Variants in GSE1 observed in about 807,000 individuals in gnomAD.
GSE1 encodes Gse1 coiled-coil protein, also known as genetic suppressor element 1.
In GSE1, 32 loss-of-function variants were observed where a neutral mutation model predicts 112.6. The observed-to-expected ratio is 0.28, with a 90% CI of 0.21 to 0.38. GSE1 has a LOEUF of 0.38. GSE1 is among the 10% of genes least tolerant of loss of function. GSE1 has a pLI of 1.00. For missense variants in GSE1, 2,348 were observed against 1,699.2 expected, an observed-to-expected ratio of 1.38 and a Z score of -6.71; for synonymous variants, 1,115 against 735.6, an observed-to-expected ratio of 1.52 and a Z score of -8.35.
chr16:85,177,339 C>T (rs950916761), intron 1 of GSE1, among the ~76,000 whole-genome samples: 4 of 152,222 alleles, frequency 2.6e-5, no homozygotes, highest in South Asian at 2.1e-4. Context: ...GGGAAGACCC[C>T]GCATACAGAA....
chr16:85,194,564 G>T (rs2074891279), intron 1 of GSE1, among the ~76,000 whole-genome samples: 1 of 152,168 alleles, frequency 6.6e-6, no homozygotes, highest in Non-Finnish European at 1.5e-5. Context: ...TGGACCCTTA[G>T]CAGGGCCCCA....
intron 1 of GSE1, among the ~76,000 whole-genome samples, chr16:85,253,326 G>A (rs1391145553): frequency 6.6e-6 from 1 of 152,122 alleles, no homozygotes; most frequent in East Asian, 1.9e-4. Flanking sequence ...TGGGCCTCCT[G>A]GGTGGTGGGG....
intron 1 of GSE1, among the ~76,000 whole-genome samples, chr16:85,273,055 C>T (rs1450499703): frequency 6.6e-6 from 1 of 152,178 alleles, no homozygotes; most frequent in African/African-American, 2.4e-5. Flanking sequence ...GGATTACAGG[C>T]GTGAGCCACT....
intron 1 of GSE1, among the ~76,000 whole-genome samples, chr16:85,275,738 C>A (rs1909295809): frequency 6.6e-6 from 1 of 152,286 alleles, no homozygotes; most frequent in South Asian, 2.1e-4. Flanking sequence ...GGCCCTGGAC[C>A]CAGGTGGAAA....
chr16:85,628,200 G>A (rs936931525), intron 1 of GSE1, among the ~76,000 whole-genome samples: 2 of 152,268 alleles, frequency 1.3e-5, no homozygotes, highest in African/African-American at 4.8e-5. Context: ...CACACATACT[G>A]AGGAGCAGCG....
At chr16:85,446,320 G>A (rs191167737) in intron 2 of GSE1, among the ~76,000 whole-genome samples, 93 of 152,310 alleles carry the variant, frequency 6.1e-4, no homozygotes, top group African/African-American at 2.2e-3. Context: ...TGAGACCTTG[G>A]GCGGTAGCTG....
At chr16:85,663,123 T>TCTGGG in intron 10 of GSE1, 30 bp downstream of exon 10, 1 of 1,464,158 alleles carries the variant, frequency 6.8e-7, no homozygotes, top group Non-Finnish European at 9.5e-7. Context: ...ACGGACATGC[T>TCTGGG]CTGGGCTGGG....
In GSE1 at chr16:85,514,365, CCA is replaced by C. The variant is rs201757558; in HGVS notation, c.2465-119547_2465-119546del. 4.9e-3 allele frequency among the ~76,000 whole-genome samples: 677 copies of C among 138,920 alleles called. 12 individuals carry two copies. The highest frequency in any genetic ancestry group is 4.4e-3 in the Non-Finnish European group (278 of 63,656). The allele number at this position is 138,920 out of a possible 152,430, so 91.1% of individuals were successfully genotyped here. A position where few individuals can be genotyped will look rare whatever the true frequency, so the allele number is the denominator to read the frequency against. On this transcript the variant is annotated intron_variant, in intron 2 of 2. Coordinates refer to the GSE1 transcript ENST00000637419. ...CCTGCATTTCCTCCTTCGTGGGACA[CCA>C]CCCCCCCATCCTTTGCACCCTCTGA...
intron 1 of GSE1, among the ~76,000 whole-genome samples, chr16:85,602,505 CT>C (rs1236290440): frequency 3.9e-5 from 6 of 152,118 alleles, no homozygotes; most frequent in African/African-American, 1.4e-4. Context: ...GCGAGCTCCC[CT>C]GACCTTGCCG....
chr16:85,666,440 G>C, intron 13 of GSE1, 93 bp downstream of exon 13: 1 of 1,245,024 alleles, frequency 8.0e-7, no homozygotes, highest in East Asian at 2.3e-5. Flanking sequence ...GTTCAGCCGT[G>C]GGCACAAGTT....
chr16:85,604,298 T>G lies in GSE1; in HGVS notation c.38-44254T>G, dbSNP rs145064600. Among the ~76,000 whole-genome samples, 1,092 of 152,336 alleles carry G rather than the reference T, an allele frequency of 7.2e-3. 11 individuals carry two copies. The highest frequency in any genetic ancestry group is 0.025 in the African/African-American group (1,057 of 41,572). On this transcript the variant is annotated intron_variant, in intron 1 of 2. Coordinates refer to the GSE1 transcript ENST00000635906. ...CTGGCTTCTTCCATCCAGCATCGTG[T>G]CTTCAAGGTTCATCTGTGTTGTAGC...
chr16:85,429,751 A>G (rs1278740245), intron 2 of GSE1, among the ~76,000 whole-genome samples: 1 of 152,188 alleles, frequency 6.6e-6, no homozygotes, highest in Non-Finnish European at 1.5e-5. Context: ...CCACCTGCAC[A>G]GCCCTGCATG....
intron 2 of GSE1, among the ~76,000 whole-genome samples, chr16:85,383,388 A>T (rs1401892279): frequency 6.7e-6 from 1 of 150,184 alleles, no homozygotes; most frequent in East Asian, 2.0e-4. Context: ...GCACACATAC[A>T]CTCACACACA....
intron 2 of GSE1, among the ~76,000 whole-genome samples, chr16:85,506,385 G>C (rs2051535620): frequency 6.6e-6 from 1 of 152,166 alleles, no homozygotes; most frequent in African/African-American, 2.4e-5. Context: ...CAGGCACGTG[G>C]GGAAGGCTCA....
intron 1 of GSE1, among the ~76,000 whole-genome samples, chr16:85,212,670 C>A (rs947800674): frequency 6.6e-6 from 1 of 152,206 alleles, no homozygotes; most frequent in Non-Finnish European, 1.5e-5. Flanking sequence ...AGCCACCCAG[C>A]CTGTGGCACT....
At chr16:85,197,092 A>G (rs1377414204) in intron 1 of GSE1, among the ~76,000 whole-genome samples, 2 of 152,178 alleles carry the variant, frequency 1.3e-5, no homozygotes, top group African/African-American at 2.4e-5. Context: ...TCGATCAGCC[A>G]TTTATTGAGC....
At position 85,656,483 on chromosome 16, in the gene GSE1, G is replaced by GTGAGCC; in HGVS notation, c.1134_1135insCCTGAG (p.Glu378_Lys379insProGlu). 3 of 1,542,040 alleles carry GTGAGCC rather than the reference G, an allele frequency of 1.9e-6. No individual in the cohort carries two copies. The highest frequency in any genetic ancestry group is 2.6e-6 in the Non-Finnish European group (3 of 1,140,042). On this transcript the variant is annotated inframe_insertion, in exon 7 of 16. Coordinates refer to ENST00000253458, the MANE Select transcript of GSE1 (RefSeq NM_014615.5). Reference sequence around the variant, plus strand: ...CGCGAGCAAGAGAAGGAGCGTGAGCGTGAGAAGGAGCGCGAGCGCGAGCTG... The same window carrying GTGAGCC: ...CGCGAGCAAGAGAAGGAGCGTGAGCGTGAGCCTGAGAAGGAGCGCGAGCGCGAGCTG...
intron 1 of GSE1, among the ~76,000 whole-genome samples, chr16:85,228,698 G>A (rs371280205): frequency 3.3e-5 from 5 of 152,198 alleles, no homozygotes; most frequent in Non-Finnish European, 4.4e-5. Context: ...AGGCACAGAC[G>A]GGCCAGAGAG....
chr16:85,507,463 C>T (rs1285649391), intron 2 of GSE1, among the ~76,000 whole-genome samples: 2 of 152,258 alleles, frequency 1.3e-5, no homozygotes, highest in African/African-American at 4.8e-5. Flanking sequence ...CGCCCTTGCC[C>T]AGTGGGTGCT....
Sources: gnomAD v4.1 joint callset for allele counts (sites outside exome capture counted in the v4.1 genomes callset) on GRCh38, gnomAD v4.1.1 for gene constraint, MANE v1.5 for transcripts, NCBI Gene and HGNC (gene_info 2026-07-23, HGNC 2026-07-21) for gene names.